Variants in SLC25A24 observed in about 807,000 individuals in gnomAD.
SLC25A24 encodes the protein solute carrier family 25 member 24.
Under a neutral mutation model 60.7 loss-of-function variants are expected in SLC25A24, and 49 were observed. The ratio of observed to expected loss-of-function variants is 0.81; its 90% CI spans 0.64 to 1.02. The LOEUF (loss-of-function observed/expected upper bound fraction) is 1.02, where lower values mean the gene tolerates loss of function less well. Among genes scored for constraint, SLC25A24 ranks in the 50% least tolerant of loss-of-function variants. The pLI is 0.00. For missense variants in SLC25A24, 564 were observed against 586.3 expected, an observed-to-expected ratio of 0.96 and a Z score of 0.39; for synonymous variants, 202 against 200.6, an observed-to-expected ratio of 1.01 and a Z score of -0.06.
intron 4 of SLC25A24, 26 bp downstream of exon 4, chr1:108,161,156 A>T: frequency 3.3e-6 from 4 of 1,220,308 alleles, no homozygotes; most frequent in Non-Finnish European, 4.8e-6. Flanking sequence ...GCTCCAAATA[A>T]GTATAAATAC....
chr1:108,178,822 A>C lies in SLC25A24; in HGVS notation c.398+3119T>G, dbSNP rs554721556. On this transcript the variant is annotated intron_variant, in intron 3 of 9. Coordinates refer to ENST00000565488, the MANE Select transcript of SLC25A24 (RefSeq NM_013386.5). ...AGTGAGACTCCGTCTCAAAAAAAAA[A>C]ACAACAACTAGAAATCAGTAACAGA... Among the ~76,000 whole-genome samples the C allele has an allele frequency of 9.9e-5, 15 of 152,258 alleles. 1 individual carries two copies. In the South Asian group the frequency reaches 3.1e-3, roughly 32 times the overall value.
At position 108,200,330 on chromosome 1, in the gene SLC25A24, G is replaced by A; in HGVS notation, c.-192C>T. 2.9e-6 allele frequency: 1 copy of A among 348,618 alleles called. No homozygotes were observed. The highest frequency in any genetic ancestry group is 4.9e-6 in the Non-Finnish European group (1 of 205,334). The allele number at this position is 348,618 out of a possible 1,614,324, so 21.6% of individuals were successfully genotyped here. On this transcript the variant is annotated 5_prime_UTR_variant, in exon 1 of 10. Coordinates refer to ENST00000565488, the MANE Select transcript of SLC25A24 (RefSeq NM_013386.5). The stretch of plus-strand genomic sequence containing the variant: ...GCGGAGACCCCACCCGAGCCCGCGC[G>A]GAGCGCAGGGTGTGGCCGTCCCGCC...
chr1:108,146,049 T>C (rs1679580072), intron 7 of SLC25A24, among the ~76,000 whole-genome samples: 1 of 152,248 alleles, frequency 6.6e-6, no homozygotes, highest in South Asian at 2.1e-4. Flanking sequence ...TCCATGAGCA[T>C]GAAATGTTTT....
At chr1:108,198,488 A>G (rs1247793935) in intron 1 of SLC25A24, 1 of 152,260 alleles carries the variant, frequency 6.6e-6, no homozygotes, top group Non-Finnish European at 1.5e-5. Flanking sequence ...TACAAAGGAC[A>G]TCCATTGCAA....
intron 3 of SLC25A24, among the ~76,000 whole-genome samples, chr1:108,173,438 G>T (rs1450020616): frequency 6.6e-6 from 1 of 152,164 alleles, no homozygotes; most frequent in Non-Finnish European, 1.5e-5. Context: ...ATGGCTGTAA[G>T]TTATCTGAGG....
intron 3 of SLC25A24, among the ~76,000 whole-genome samples, chr1:108,179,618 A>G (rs1323111567): frequency 1.3e-5 from 2 of 152,188 alleles, no homozygotes; most frequent in East Asian, 3.8e-4. Context: ...TAACAATATG[A>G]ATGAAATAAG....
At chr1:108,198,451 G>A (rs1648563528) in intron 1 of SLC25A24, 1 of 152,188 alleles carries the variant, frequency 6.6e-6, no homozygotes, top group Non-Finnish European at 1.5e-5. Flanking sequence ...TCTTACGAAA[G>A]TAACTGGACC....
At chr1:108,173,116 C>G (rs943996026) in intron 3 of SLC25A24, among the ~76,000 whole-genome samples, 1 of 152,094 alleles carries the variant, frequency 6.6e-6, no homozygotes, top group African/African-American at 2.4e-5. Flanking sequence ...CCTGTAATCC[C>G]AGCACTTTGG....
intron 1 of SLC25A24, among the ~76,000 whole-genome samples, chr1:108,198,339 A>C (rs558237807): frequency 6.6e-6 from 1 of 152,336 alleles, no homozygotes; most frequent in Admixed American, 6.5e-5. Context: ...ACTGTCAGTC[A>C]AAAGAGTGAA....
chr1:108,177,031 A>T (rs1171512106), intron 3 of SLC25A24, among the ~76,000 whole-genome samples: 1 of 152,210 alleles, frequency 6.6e-6, no homozygotes, highest in Non-Finnish European at 1.5e-5. Context: ...AGAGAAAACT[A>T]TTAAAAGTAA....
intron 3 of SLC25A24, among the ~76,000 whole-genome samples, chr1:108,165,827 C>T (rs560427377): frequency 4.2e-4 from 64 of 152,226 alleles, no homozygotes; most frequent in South Asian, 1.5e-3. Context: ...TGAATTTGAT[C>T]CTGTCATTAT....
rs1184486721 is a variant in SLC25A24, at chr1:108,134,722, T to C, written c.*1931A>G. On this transcript the variant is annotated 3_prime_UTR_variant, in exon 10 of 10. Coordinates refer to ENST00000565488, the MANE Select transcript of SLC25A24 (RefSeq NM_013386.5). The stretch of plus-strand genomic sequence containing the variant: ...CCAAACATCTAAGCTAGCTAAGCTG[T>C]AGGATACAATTTTTGCTTTATTTAT... The C allele has an allele frequency of 2.6e-5, 4 of 152,148 alleles. No individual in the cohort carries two copies. The highest frequency in any genetic ancestry group is 2.1e-4 in the South Asian group (1 of 4,818). 9.4% of individuals were successfully genotyped at this position (152,148 alleles called of 1,614,324 possible). A position where few individuals can be genotyped will look rare whatever the true frequency, so the allele number is the denominator to read the frequency against.
intron 3 of SLC25A24, among the ~76,000 whole-genome samples, chr1:108,169,311 T>C (rs992348107): frequency 6.6e-6 from 1 of 152,144 alleles, no homozygotes; most frequent in African/African-American, 2.4e-5. Context: ...TTGATATAAA[T>C]TTGAGACTCA....
At chr1:108,172,965 C>G (rs1647512335) in intron 3 of SLC25A24, among the ~76,000 whole-genome samples, 1 of 151,990 alleles carries the variant, frequency 6.6e-6, no homozygotes, top group Non-Finnish European at 1.5e-5. Flanking sequence ...AAGTCACTAG[C>G]CATGAAAGAA....
At chr1:108,175,073 T>C (rs1310822928) in intron 3 of SLC25A24, among the ~76,000 whole-genome samples, 1 of 152,162 alleles carries the variant, frequency 6.6e-6, no homozygotes, top group African/African-American at 2.4e-5. Flanking sequence ...TGGAAAGGCA[T>C]TATTGTGTTT....
intron 1 of SLC25A24, chr1:108,199,032 A>G (rs1318883162): frequency 6.6e-6 from 1 of 152,258 alleles, no homozygotes; most frequent in East Asian, 1.9e-4. Flanking sequence ...ATTCAGTCAG[A>G]AGTGTTATAA....
intron 1 of SLC25A24, among the ~76,000 whole-genome samples, chr1:108,194,670 TAC>T (rs1283386759): frequency 2.6e-5 from 4 of 151,956 alleles, no homozygotes. Context: ...CCCATGCACC[TAC>T]ACACACACAC....
At chr1:108,159,322 G>C (rs1015463490) in intron 4 of SLC25A24, among the ~76,000 whole-genome samples, 1 of 152,144 alleles carries the variant, frequency 6.6e-6, no homozygotes, top group South Asian at 2.1e-4. Flanking sequence ...GGACAATATA[G>C]TACCTATAAA....
chr1:108,192,066 A>T (rs1223434785), intron 1 of SLC25A24, among the ~76,000 whole-genome samples: 2 of 138,574 alleles, frequency 1.4e-5, no homozygotes, highest in African/African-American at 5.0e-5. Context: ...TTCCAGGAAC[A>T]GAAACCGAAA....
Sources: gnomAD v4.1 joint callset for allele counts (sites outside exome capture counted in the v4.1 genomes callset) on GRCh38, gnomAD v4.1.1 for gene constraint, MANE v1.5 for transcripts, NCBI Gene and HGNC (gene_info 2026-07-23, HGNC 2026-07-21) for gene names.